Variants in DNAH11 observed in about 807,000 individuals in gnomAD.
The protein encoded by DNAH11 is dynein axonemal heavy chain 11.
Under a neutral mutation model 526.0 loss-of-function variants are expected in DNAH11, and 442 were observed. The ratio of observed to expected loss-of-function variants is 0.84; its 90% CI spans 0.78 to 0.91. DNAH11 has a LOEUF of 0.91. Among genes scored for constraint, DNAH11 ranks in the 40% least tolerant of loss-of-function variants. DNAH11 has a pLI of 0.00. For synonymous variants in DNAH11, 2,461 were observed against 1,935.9 expected, an observed-to-expected ratio of 1.27 and a Z score of -7.12; for missense variants, 6,989 against 5,448.7, an observed-to-expected ratio of 1.28 and a Z score of -8.90.
At chr7:21,613,702 G>C (rs1397692878) in intron 20 of DNAH11, among the ~76,000 whole-genome samples, 5 of 152,188 alleles carry the variant, frequency 3.3e-5, no homozygotes, top group Admixed American at 6.5e-5. Flanking sequence ...AAAAGTGTGA[G>C]ATGATGAAGT....
chr7:21,645,712 AAAATCAGATATCT>A (rs1220243909), intron 28 of DNAH11, among the ~76,000 whole-genome samples: 54 of 152,280 alleles, frequency 3.5e-4, no homozygotes, highest in African/African-American at 1.2e-3. Context: ...CAGATATCTA[AAAATCAGATATCT>A]AAATCAGATA....
At chr7:21,635,090 T>G (rs1271093680) in intron 25 of DNAH11, among the ~76,000 whole-genome samples, 2 of 152,002 alleles carry the variant, frequency 1.3e-5, no homozygotes, top group Non-Finnish European at 2.9e-5. Flanking sequence ...AGCAGTAAAC[T>G]GAAAAGGGAG....
intron 63 of DNAH11, among the ~76,000 whole-genome samples, chr7:21,815,778 G>A (rs114822187): frequency 1.3e-5 from 2 of 152,070 alleles, no homozygotes; most frequent in Non-Finnish European, 2.9e-5. Context: ...TTGCCACAAC[G>A]TTATTTATTG....
At chr7:21,898,155 A>G (rs117959121) in intron 79 of DNAH11, among the ~76,000 whole-genome samples, 6,965 of 152,244 alleles carry the variant, frequency 0.046, 209 homozygotes, top group South Asian at 0.11. Flanking sequence ...AATTGTCTGC[A>G]GTGTTTATCC....
At chr7:21,738,959 T>C in intron 47 of DNAH11, 93 bp downstream of exon 47, 1 of 1,154,434 alleles carries the variant, frequency 8.7e-7, no homozygotes, top group Non-Finnish European at 1.2e-6. Flanking sequence ...TGAATAATTA[T>C]TATGGATGAA....
At position 21,833,037 on chromosome 7, in the gene DNAH11, C is replaced by A. The variant is rs373582622; in HGVS notation, c.10692-9507C>A. On this transcript the variant is annotated intron_variant, in intron 65 of 81. Coordinates refer to ENST00000409508, the MANE Select transcript of DNAH11 (RefSeq NM_001277115.2). The stretch of plus-strand genomic sequence containing the variant: ...ACACATACACATACACCACACAAAT[C>A]TCTAAATTAACCTGACTTCTTACCA... Among the ~76,000 whole-genome samples, 15 of 152,208 alleles carry A rather than the reference C, an allele frequency of 9.9e-5. No individual in the cohort carries two copies. The East Asian group carries it at 2.9e-3, about 29-fold the overall frequency.
chr7:21,894,710 C>T lies in DNAH11; in HGVS notation c.12838C>T (p.Pro4280Ser). 6.2e-7 allele frequency: 1 copy of T among 1,613,764 alleles called. No individual in the cohort carries two copies. The highest frequency in any genetic ancestry group is 8.5e-7 in the Non-Finnish European group (1 of 1,179,830). The change falls in exon 78 of 82, where the codon CCA becomes TCA. Residue 4280 changes from proline (P) to serine (S), a missense_variant. Coordinates refer to ENST00000409508, the MANE Select transcript of DNAH11 (RefSeq NM_001277115.2). ...EIMQKNSNRS[P>S]YVLVCFQECE... ...AATGCAAAAAAATTCAAATAGAAGC[C>T]CATATGTTCTTGTTTGCTTCCAAGA...
chr7:21,728,160 A>G lies in DNAH11; in HGVS notation c.7440+2176A>G, dbSNP rs899962933. 6.0e-5 allele frequency among the ~76,000 whole-genome samples: 9 copies of G among 151,220 alleles called. No individual in the cohort carries two copies. In the South Asian group the frequency reaches 1.3e-3, roughly 21 times the overall value. ...AGGAGACATAATTCAGCCTGTAACA[A>G]TGTGCCGCCTTGACCCCCAAAATTC... is the stretch of plus-strand genomic sequence containing the variant. On this transcript the variant is annotated intron_variant, in intron 45 of 81. Transcript: ENST00000409508.
At position 21,746,291 on chromosome 7, in the gene DNAH11, A is replaced by G. The variant is rs375274514; in HGVS notation, c.8510+1228A>G. On this transcript the variant is annotated intron_variant, in intron 51 of 81. Coordinates refer to ENST00000409508, the MANE Select transcript of DNAH11 (RefSeq NM_001277115.2). ...CAACAGCCAAAGACTTAAACAGAAA[A>G]AGAAAAAAGAAATCATTGAAAACAA... is the stretch of plus-strand genomic sequence containing the variant. Among the ~76,000 whole-genome samples, 154 of 152,334 alleles carry G rather than the reference A, an allele frequency of 1.0e-3. 1 individual carries two copies. Among genetic ancestry groups the G allele is most frequent in the African/African-American group, 3.5e-3 (147 of 41,576 alleles).
In DNAH11 at chr7:21,601,689, T is replaced by C. The variant is rs1261892271; in HGVS notation, c.3648+71T>C. Reference sequence around the variant, plus strand: ...CTCTTTTATTAAAGTACTTTACATGTACTCTCTTATGATGTCCTTATAACA... The same window carrying C: ...CTCTTTTATTAAAGTACTTTACATGCACTCTCTTATGATGTCCTTATAACA... On this transcript the variant is annotated intron_variant, in intron 18 of 81. Coordinates refer to ENST00000409508, the MANE Select transcript of DNAH11 (RefSeq NM_001277115.2). 4.3e-6 allele frequency: 5 copies of C among 1,172,604 alleles called. No homozygotes were observed. In the Admixed American group the frequency reaches 1.4e-4, roughly 33 times the overall value. 72.6% of individuals were successfully genotyped at this position (1,172,604 alleles called of 1,614,324 possible). A position where few individuals can be genotyped will look rare whatever the true frequency, so the allele number is the denominator to read the frequency against.
intron 30 of DNAH11, among the ~76,000 whole-genome samples, chr7:21,670,909 C>T (rs1270088826): frequency 1.3e-5 from 2 of 151,516 alleles, no homozygotes; most frequent in Non-Finnish European, 2.9e-5. Flanking sequence ...TGGCTGGATT[C>T]TATTTGCTAT....
At chr7:21,671,507 C>G (rs1171136877) in intron 30 of DNAH11, among the ~76,000 whole-genome samples, 1 of 152,140 alleles carries the variant, frequency 6.6e-6, no homozygotes, top group Non-Finnish European at 1.5e-5. Context: ...AGATGTCCTA[C>G]TTTCATTTCT....
chr7:21,640,122 G>T (rs1336091795), intron 28 of DNAH11, among the ~76,000 whole-genome samples: 2 of 152,188 alleles, frequency 1.3e-5, no homozygotes, highest in Non-Finnish European at 2.9e-5. Flanking sequence ...AACAGGTTCA[G>T]GGTCACCACT....
At chr7:21,658,769 T>C in intron 29 of DNAH11, 29 bp from the exon 30 acceptor site, 2 of 1,525,864 alleles carry the variant, frequency 1.3e-6, no homozygotes, top group Middle Eastern at 1.7e-4. Flanking sequence ...GTTAAGCCTG[T>C]GTTATAACAT....
At chr7:21,836,110 C>T (rs905004629) in intron 65 of DNAH11, among the ~76,000 whole-genome samples, 1 of 151,970 alleles carries the variant, frequency 6.6e-6, no homozygotes, top group Admixed American at 6.6e-5. Context: ...AGGACACAGA[C>T]AAATGGAAAG....
chr7:21,807,476 G>A (rs139021728), intron 62 of DNAH11, among the ~76,000 whole-genome samples: 278 of 152,324 alleles, frequency 1.8e-3, no homozygotes, highest in African/African-American at 6.3e-3. Context: ...TCCAGCACGG[G>A]TGATAGAGCC....
chr7:21,710,760 T>G (rs1201973339), intron 41 of DNAH11, 57 bp downstream of exon 41: 9 of 1,509,772 alleles, frequency 6.0e-6, no homozygotes, highest in Non-Finnish European at 7.1e-6. Flanking sequence ...TATTAAGAGT[T>G]CGATTCACTT....
At position 21,866,609 on chromosome 7, in the gene DNAH11, A is replaced by AGAAGC; in HGVS notation, c.11637_11641dup (p.Leu3881ArgfsTer3). The AGAAGC allele has an allele frequency of 6.2e-7, 1 of 1,613,896 alleles. No individual in the cohort carries two copies. On this transcript the variant is annotated frameshift_variant, in exon 71 of 82. Coordinates refer to ENST00000409508, the MANE Select transcript of DNAH11 (RefSeq NM_001277115.2). LOFTEE classifies it high-confidence loss of function. ...GAATGGAAGAAGAAAAGTTTAATAC[A>AGAAGC]GAAGCTGATTCTTCTGAGAGCAATG... is the stretch of plus-strand genomic sequence containing the variant.
intron 25 of DNAH11, among the ~76,000 whole-genome samples, chr7:21,625,379 G>A (rs189205368): frequency 3.9e-5 from 6 of 152,094 alleles, no homozygotes; most frequent in African/African-American, 1.4e-4. Context: ...TTTCATTTCT[G>A]ATTTTGAGTT....
Sources: gnomAD v4.1 joint callset for allele counts (sites outside exome capture counted in the v4.1 genomes callset) on GRCh38, gnomAD v4.1.1 for gene constraint, MANE v1.5 for transcripts, NCBI Gene and HGNC (gene_info 2026-07-23, HGNC 2026-07-21) for gene names.